The following KAZN variants were observed in gnomAD, a reference collection of about 807,000 sequenced individuals.
KAZN encodes kazrin, periplakin interacting protein, also known as kazrin.
Under a neutral mutation model 87.4 loss-of-function variants are expected in KAZN, and 40 were observed. The ratio of observed to expected loss-of-function variants is 0.46; its 90% CI spans 0.36 to 0.60. The LOEUF (loss-of-function observed/expected upper bound fraction) is 0.60. KAZN is among the 20% of genes least tolerant of loss of function. KAZN has a pLI of 0.00. For missense variants in KAZN, 898 were observed against 1,073.9 expected (o/e 0.84, Z 2.29); for synonymous variants, 466 against 458.3 (o/e 1.02, Z -0.22).
chr1:13,949,866 C>T (rs184768533), intron 1 of KAZN, among the ~76,000 whole-genome samples: 14 of 152,278 alleles, frequency 9.2e-5, no homozygotes, highest in African/African-American at 1.7e-4. Flanking sequence ...AAAACACAGC[C>T]GAGACACCAT....
intron 4 of KAZN, among the ~76,000 whole-genome samples, chr1:15,052,710 A>G (rs968729332): frequency 1.3e-5 from 2 of 152,128 alleles, no homozygotes; most frequent in East Asian, 3.9e-4. Flanking sequence ...TCTCCATTGT[A>G]GCTCTGCCTT....
chr1:14,559,740 C>T (rs971614038), intron 2 of KAZN, among the ~76,000 whole-genome samples: 7 of 152,140 alleles, frequency 4.6e-5, no homozygotes, highest in African/African-American at 1.7e-4. Flanking sequence ...CACTCTCAAC[C>T]CTGAAATAAT....
intron 2 of KAZN, among the ~76,000 whole-genome samples, chr1:15,001,943 C>G (rs1314891386): frequency 7.2e-6 from 1 of 138,378 alleles, no homozygotes; most frequent in Admixed American, 7.7e-5. Context: ...GGCAGTGGCA[C>G]GATCTCGGCT....
At chr1:14,273,860 G>C (rs1357255400) in intron 2 of KAZN, among the ~76,000 whole-genome samples, 2 of 151,708 alleles carry the variant, frequency 1.3e-5, no homozygotes, top group Admixed American at 6.6e-5. Context: ...TTATTCTCTG[G>C]GGCTTTGATG....
chr1:14,921,429 CTTCTT>C (rs1658513596), intron 1 of KAZN, among the ~76,000 whole-genome samples: 1 of 152,174 alleles, frequency 6.6e-6, no homozygotes, highest in Non-Finnish European at 1.5e-5. Context: ...CCTCCCTTTC[CTTCTT>C]AAGTTTTAAA....
chr1:14,425,492 A>G (rs1170458468), intron 2 of KAZN, among the ~76,000 whole-genome samples: 2 of 152,190 alleles, frequency 1.3e-5, no homozygotes, highest in Admixed American at 6.5e-5. Context: ...GCTCTAGAAG[A>G]TACAACAATA....
At chr1:14,173,021 T>C (rs1645989153) in intron 1 of KAZN, among the ~76,000 whole-genome samples, 1 of 152,140 alleles carries the variant, frequency 6.6e-6, no homozygotes, top group South Asian at 2.1e-4. Context: ...TCTTATGACC[T>C]AGCCTTAGAA....
chr1:14,251,901 G>A (rs1161539109), intron 2 of KAZN, among the ~76,000 whole-genome samples: 3 of 151,830 alleles, frequency 2.0e-5, no homozygotes, highest in African/African-American at 7.3e-5. Flanking sequence ...CACCTGCCTC[G>A]ATCTCCCAAA....
intron 11 of KAZN, 85 bp downstream of exon 11, chr1:15,101,859 C>T: frequency 1.2e-6 from 1 of 847,734 alleles, no homozygotes; most frequent in East Asian, 2.7e-5. Flanking sequence ...TCTGTCCACC[C>T]ACTACCCGTC....
rs562715340 is a variant in KAZN at position 15,099,427 on chromosome 1, G to A, written c.1548-2116G>A. On this transcript the variant is annotated intron_variant, in intron 10 of 14. Coordinates refer to ENST00000376030, the MANE Select transcript of KAZN (RefSeq NM_201628.3). This position sits in a 1 kb window ranked among gnomAD's most constrained non-coding sequence, Gnocchi z 5.4. ...GCTTTGAAGGAAAGCACTAGGGACAGTAAGCAGACTTGGGGGCAACTTCAG... is the reference window on the plus strand; with the variant it reads ...GCTTTGAAGGAAAGCACTAGGGACAATAAGCAGACTTGGGGGCAACTTCAG... Among the ~76,000 whole-genome samples, 2 of 152,362 alleles carry A rather than the reference G, an allele frequency of 1.3e-5. No individual in the cohort carries two copies. The highest frequency in any genetic ancestry group is 1.3e-4 in the Admixed American group (2 of 15,310).
intron 4 of KAZN, among the ~76,000 whole-genome samples, chr1:15,055,377 T>G (rs567079974): frequency 5.6e-4 from 86 of 152,248 alleles, no homozygotes; most frequent in Middle Eastern, 6.8e-3. Context: ...CACGTGAGGT[T>G]GAGGCAGGAG....
intron 1 of KAZN, among the ~76,000 whole-genome samples, chr1:14,153,778 C>A (rs1645529051): frequency 1.7e-5 from 2 of 120,360 alleles, no homozygotes; most frequent in Non-Finnish European, 3.6e-5. Flanking sequence ...AACTCTGTCT[C>A]AAAAAAAAAA....
chr1:14,681,658 T>TATATAAA (rs1365820096), intron 1 of KAZN, among the ~76,000 whole-genome samples: 1 of 5,708 alleles, frequency 1.8e-4, no homozygotes, highest in Non-Finnish European at 3.8e-4. Context: ...TATATATATA[T>TATATAAA]TTTTTTTTTT....
intron 1 of KAZN, among the ~76,000 whole-genome samples, chr1:14,119,667 G>T (rs1313217371): frequency 1.3e-5 from 2 of 152,158 alleles, no homozygotes; most frequent in African/African-American, 4.8e-5. Context: ...GTCCAACCCA[G>T]TGTGGGACAT....
intron 2 of KAZN, among the ~76,000 whole-genome samples, chr1:14,548,387 C>T (rs1328834609): frequency 2.6e-5 from 4 of 152,022 alleles, no homozygotes; most frequent in Non-Finnish European, 2.9e-5. Flanking sequence ...TTAGTAGAGA[C>T]AGGCTTTTGC....
At chr1:13,905,260 A>T (rs777851359) in intron 1 of KAZN, among the ~76,000 whole-genome samples, 3 of 152,302 alleles carry the variant, frequency 2.0e-5, no homozygotes, top group Non-Finnish European at 4.4e-5. Context: ...CTGTTGACTC[A>T]TGTCTAAGAT....
intron 2 of KAZN, among the ~76,000 whole-genome samples, chr1:14,566,062 A>G (rs957674386): frequency 1.3e-5 from 2 of 152,208 alleles, no homozygotes; most frequent in Non-Finnish European, 2.9e-5. Context: ...GAAGGTTTTC[A>G]ATTTACTCAG....
chr1:14,493,648 A>C (rs1293962567), intron 2 of KAZN, among the ~76,000 whole-genome samples: 1 of 152,228 alleles, frequency 6.6e-6, no homozygotes, highest in Admixed American at 6.5e-5. Context: ...ATTTTGCCTG[A>C]AATATGATAT....
chr1:14,888,056 C>T (rs987305565), intron 1 of KAZN, among the ~76,000 whole-genome samples: 2 of 152,116 alleles, frequency 1.3e-5, no homozygotes, highest in African/African-American at 4.8e-5. Context: ...AAGCGCCATG[C>T]AGCACCATTT....
Sources: allele counts gnomAD v4.1 joint callset (sites outside exome capture counted in the v4.1 genomes callset), GRCh38; gene constraint gnomAD v4.1.1; non-coding constraint Gnocchi (gnomAD v3.1); transcripts MANE v1.5; gene names NCBI Gene and HGNC (gene_info 2026-07-23, HGNC 2026-07-21).